Variants in CDH18 observed in about 807,000 individuals in gnomAD.
CDH18 encodes cadherin-18.
CDH18 carries 31 observed loss-of-function variants against 67.9 expected under a neutral mutation model. The observed-to-expected ratio is 0.46, with a 90% CI of 0.34 to 0.62. The LOEUF (loss-of-function observed/expected upper bound fraction) is 0.62. CDH18 is among the 20% of genes least tolerant of loss of function. CDH18 has a pLI of 0.01. For missense variants in CDH18, 890 were observed against 975.5 expected, an observed-to-expected ratio of 0.91 and a Z score of 1.17; for synonymous variants, 362 against 347.2, an observed-to-expected ratio of 1.04 and a Z score of -0.48.
chr5:19,681,103 T>C (rs1760247837), intron 5 of CDH18, among the ~76,000 whole-genome samples: 1 of 151,974 alleles, frequency 6.6e-6, no homozygotes, highest in African/African-American at 2.4e-5. Flanking sequence ...AAGATCATGT[T>C]CTTTGCAGCA....
chr5:20,521,654 G>C (rs902296548), intron 1 of CDH18, among the ~76,000 whole-genome samples: 4 of 152,182 alleles, frequency 2.6e-5, no homozygotes, highest in African/African-American at 9.6e-5. Flanking sequence ...ATATTTTTAA[G>C]TGTAGAGTTA....
intron 2 of CDH18, among the ~76,000 whole-genome samples, chr5:20,032,351 A>C (rs560189555): frequency 1.3e-5 from 2 of 152,032 alleles, no homozygotes; most frequent in South Asian, 4.2e-4. Flanking sequence ...TTTTTCAGCA[A>C]AAATGGACAA....
rs1745034224 is a variant in CDH18 at position 20,266,409 on chromosome 5, T to C, written c.-579-10904A>G. ...TTTCCATAGCACAAGAAAAAAAGTATGTTTGTTTGTTTGAGACAGGGTCTC... is the reference window on the plus strand; with the variant it reads ...TTTCCATAGCACAAGAAAAAAAGTACGTTTGTTTGTTTGAGACAGGGTCTC... On this transcript the variant is annotated intron_variant, in intron 1 of 14. Coordinates refer to the CDH18 transcript ENST00000507958. Among the ~76,000 whole-genome samples the C allele has an allele frequency of 6.6e-5, 10 of 151,892 alleles. No homozygotes were observed. In the South Asian group the frequency reaches 2.1e-3, roughly 32 times the overall value.
intron 9 of CDH18, among the ~76,000 whole-genome samples, chr5:19,532,812 A>G (rs1188062515): frequency 2.0e-5 from 3 of 152,214 alleles, no homozygotes; most frequent in Admixed American, 6.5e-5. Flanking sequence ...AAAGTTTCCA[A>G]TGGATTGGAT....
chr5:20,269,117 C>T (rs997910637), intron 1 of CDH18, among the ~76,000 whole-genome samples: 1 of 152,046 alleles, frequency 6.6e-6, no homozygotes, highest in African/African-American at 2.4e-5. Flanking sequence ...ATGGCCAACA[C>T]ATAAATGTGA....
chr5:20,187,334 AT>A (rs1738179813), intron 2 of CDH18, among the ~76,000 whole-genome samples: 1 of 151,866 alleles, frequency 6.6e-6, no homozygotes, highest in Non-Finnish European at 1.5e-5. Flanking sequence ...AGGCAAAAAA[AT>A]GTGTTAGCAA....
At chr5:19,533,788 T>A (rs987888325) in intron 9 of CDH18, among the ~76,000 whole-genome samples, 1 of 152,136 alleles carries the variant, frequency 6.6e-6, no homozygotes. Flanking sequence ...TAGGTTGATA[T>A]ATAGGATGGC....
At chr5:20,356,567 G>A (rs1741622843) in intron 1 of CDH18, among the ~76,000 whole-genome samples, 1 of 151,830 alleles carries the variant, frequency 6.6e-6, no homozygotes, top group African/African-American at 2.4e-5. Context: ...TAAATCAAGA[G>A]TAAAGAGGAT....
At chr5:20,537,000 T>C (rs896663564) in intron 1 of CDH18, among the ~76,000 whole-genome samples, 3 of 152,086 alleles carry the variant, frequency 2.0e-5, no homozygotes, top group African/African-American at 7.2e-5. Flanking sequence ...ATATTCTATG[T>C]GGGAGGGTGG....
intron 1 of CDH18, among the ~76,000 whole-genome samples, chr5:20,366,272 T>C (rs1053564251): frequency 6.6e-6 from 1 of 152,186 alleles, no homozygotes; most frequent in African/African-American, 2.4e-5. Flanking sequence ...TTGATGCATC[T>C]TTCTTGCTTA....
chr5:20,276,663 C>T (rs1286184793), intron 1 of CDH18, among the ~76,000 whole-genome samples: 2 of 152,180 alleles, frequency 1.3e-5, no homozygotes, highest in Non-Finnish European at 2.9e-5. Flanking sequence ...CTTTGTCCTG[C>T]AGCTTAGGTA....
chr5:20,094,539 T>G (rs2150565533), intron 2 of CDH18, among the ~76,000 whole-genome samples: 1 of 152,346 alleles, frequency 6.6e-6, no homozygotes, highest in Non-Finnish European at 1.5e-5. Flanking sequence ...ATTGAATTTA[T>G]AAATTACTTT....
chr5:20,199,044 A>C (rs1204548151), intron 2 of CDH18, among the ~76,000 whole-genome samples: 3 of 152,204 alleles, frequency 2.0e-5, no homozygotes, highest in Non-Finnish European at 2.9e-5. Flanking sequence ...CAGAGCCCTC[A>C]TGAAGAACCT....
intron 2 of CDH18, among the ~76,000 whole-genome samples, chr5:19,844,356 T>G (rs1455296633): frequency 2.0e-5 from 3 of 152,194 alleles, no homozygotes; most frequent in African/African-American, 2.4e-5. Context: ...TGAGTTGTCA[T>G]GAGATCTGAT....
At chr5:19,993,274 G>A (rs1381280713) in intron 2 of CDH18, among the ~76,000 whole-genome samples, 2 of 152,028 alleles carry the variant, frequency 1.3e-5, no homozygotes, top group African/African-American at 4.8e-5. Context: ...TATTTCTACA[G>A]ACAATAATTT....
At chr5:19,952,693 C>T (rs186742841) in intron 2 of CDH18, among the ~76,000 whole-genome samples, 14 of 152,208 alleles carry the variant, frequency 9.2e-5, no homozygotes, top group South Asian at 4.1e-4. Context: ...ACCATTTTTA[C>T]AACACATAGA....
At position 19,768,320 on chromosome 5, in the gene CDH18, A is replaced by C. The variant is rs144595086; in HGVS notation, c.229-21084T>G. On this transcript the variant is annotated intron_variant, in intron 3 of 12. Coordinates refer to ENST00000382275, the MANE Select transcript of CDH18 (RefSeq NM_004934.5). ...GAATAACTAAAAAAGCTTAAAAGGA[A>C]AAGCTAGGGAATTAGAGATTTATAA... Among the ~76,000 whole-genome samples the C allele has an allele frequency of 3.0e-3, 456 of 152,320 alleles. 1 individual carries two copies. Among genetic ancestry groups the C allele is most frequent in the African/African-American group, 0.01 (433 of 41,564 alleles).
chr5:20,105,307 A>G (rs1486833919), intron 2 of CDH18, among the ~76,000 whole-genome samples: 1 of 152,194 alleles, frequency 6.6e-6, no homozygotes, highest in Non-Finnish European at 1.5e-5. Context: ...AATTTAATAT[A>G]GTATTTATTA....
chr5:20,468,191 C>G (rs942511186), intron 1 of CDH18, among the ~76,000 whole-genome samples: 2 of 151,686 alleles, frequency 1.3e-5, no homozygotes, highest in African/African-American at 4.8e-5. Flanking sequence ...ATTTTTGTAT[C>G]TTTTAATAGA....
Sources: gnomAD v4.1 joint callset for allele counts (sites outside exome capture counted in the v4.1 genomes callset) on GRCh38, gnomAD v4.1.1 for gene constraint, MANE v1.5 for transcripts, NCBI Gene and HGNC (gene_info 2026-07-23, HGNC 2026-07-21) for gene names.